Variants in APLF observed in about 807,000 individuals in gnomAD.
APLF encodes the protein aprataxin and PNKP like factor, also known as aprataxin and PNK-like factor.
APLF carries 61 observed loss-of-function variants against 55.6 expected under a neutral mutation model. That is an observed-to-expected ratio of 1.10 (90% CI 0.89 to 1.36). The LOEUF is 1.36. APLF is among the 40% of genes most tolerant of loss of function. The pLI, the probability that APLF is intolerant of heterozygous loss-of-function variation, is 0.00. For synonymous variants in APLF, 207 were observed against 214.8 expected, an observed-to-expected ratio of 0.96 and a Z score of 0.32; for missense variants, 611 against 602.5, an observed-to-expected ratio of 1.01 and a Z score of -0.15.
chr2:68,521,933 T>C (rs1669909492), intron 5 of APLF, among the ~76,000 whole-genome samples: 1 of 151,986 alleles, frequency 6.6e-6, no homozygotes, highest in South Asian at 2.1e-4. Context: ...AAGTGCTAGT[T>C]ATTCTGTTTA....
At chr2:68,572,332 AT>A (rs1487177796) in intron 9 of APLF, among the ~76,000 whole-genome samples, 1 of 152,126 alleles carries the variant, frequency 6.6e-6, no homozygotes, top group East Asian at 1.9e-4. Flanking sequence ...GTTATTAAAA[AT>A]GTTTGTTCTT....
intron 6 of APLF, among the ~76,000 whole-genome samples, chr2:68,530,561 G>C (rs912895291): frequency 7.2e-5 from 11 of 152,284 alleles, no homozygotes; most frequent in African/African-American, 2.4e-4. Flanking sequence ...ATGGATAAAA[G>C]TCAGTTTCTC....
chr2:68,482,546 T>A (rs1675996393), intron 1 of APLF, among the ~76,000 whole-genome samples: 1 of 152,154 alleles, frequency 6.6e-6, no homozygotes, highest in African/African-American at 2.4e-5. Flanking sequence ...AGGCTACTTC[T>A]CAGGCTGAGG....
Position 68,579,494 on chromosome 2 carries a change from T to G in APLF, c.*1472T>G. ...TTCCACATAAAAACTGTACACAATG[T>G]CAATAGAAGCATTATTCTTAACAGC... is the stretch of plus-strand genomic sequence containing the variant. On this transcript the variant is annotated 3_prime_UTR_variant, in exon 10 of 10. Transcript: ENST00000303795. 1.4e-6 allele frequency: 1 copy of G among 738,748 alleles called. No individual in the cohort carries two copies. The highest frequency in any genetic ancestry group is 6.2e-5 in the South Asian group (1 of 16,218). The allele number at this position is 738,748 out of a possible 1,614,324, so 45.8% of individuals were successfully genotyped here. A position where few individuals can be genotyped will look rare whatever the true frequency, so the allele number is the denominator to read the frequency against.
chr2:68,568,669 T>G (rs1262944313), intron 9 of APLF, among the ~76,000 whole-genome samples: 1 of 152,146 alleles, frequency 6.6e-6, no homozygotes, highest in African/African-American at 2.4e-5. Flanking sequence ...TTTATAGAAA[T>G]AGGAAATATT....
At chr2:68,490,319 A>C in intron 2 of APLF, 58 bp downstream of exon 2, 1 of 1,430,942 alleles carries the variant, frequency 7.0e-7, no homozygotes, top group Non-Finnish European at 9.7e-7. Context: ...TCAGTTCCCA[A>C]GCAGAGGTGC....
intron 1 of APLF, among the ~76,000 whole-genome samples, chr2:68,474,579 A>C (rs1573143049): frequency 6.6e-6 from 1 of 152,194 alleles, no homozygotes; most frequent in African/African-American, 2.4e-5. Context: ...CCCATTTACT[A>C]CTTACCATGA....
chr2:68,495,574 T>A (rs978093111), intron 2 of APLF, among the ~76,000 whole-genome samples: 10 of 152,186 alleles, frequency 6.6e-5, no homozygotes, highest in African/African-American at 2.4e-4. Flanking sequence ...TATGTTTGGG[T>A]CTAGAGGATG....
Position 68,537,938 on chromosome 2 carries a change from G to A in APLF, c.871G>A (p.Ala291Thr), listed in dbSNP as rs1172309677. 15 of 1,613,644 alleles carry A rather than the reference G, an allele frequency of 9.3e-6. No homozygotes were observed. The highest frequency in any genetic ancestry group is 1.3e-5 in the Non-Finnish European group (15 of 1,179,812). ...AGAGATGAATAATATTAAGACTAAT[G>A]CACAGAGAAACAAACTTCCAATAGA... is the stretch of plus-strand genomic sequence containing the variant. ...NTEMNNIKTNAQRNKLPIEEL... is the reference protein window; with the variant it reads ...NTEMNNIKTNTQRNKLPIEEL... Residue 291 changes from alanine to threonine, a missense_variant, in exon 7 of 10, where the codon GCA (alanine) becomes ACA (threonine). Coordinates refer to ENST00000303795, the MANE Select transcript of APLF (RefSeq NM_173545.3).
At chr2:68,497,223 T>A (rs945719576) in intron 2 of APLF, among the ~76,000 whole-genome samples, 1 of 152,026 alleles carries the variant, frequency 6.6e-6, no homozygotes, top group East Asian at 1.9e-4. Context: ...AACCAGTACA[T>A]CACATGTTGA....
At chr2:68,544,958 C>T (rs903045489) in intron 7 of APLF, among the ~76,000 whole-genome samples, 5 of 152,132 alleles carry the variant, frequency 3.3e-5, no homozygotes, top group African/African-American at 1.2e-4. Context: ...CATCACATGA[C>T]ACCAGAAATG....
At chr2:68,519,337 C>CA (rs926358885) in intron 5 of APLF, among the ~76,000 whole-genome samples, 3 of 145,004 alleles carry the variant, frequency 2.1e-5, no homozygotes, top group Non-Finnish European at 4.5e-5. Context: ...GTGAAGTGCC[C>CA]AAAAACATGA....
chr2:68,486,221 G>T (rs767192974), intron 1 of APLF, among the ~76,000 whole-genome samples: 3 of 152,036 alleles, frequency 2.0e-5, no homozygotes, highest in Admixed American at 6.6e-5. Flanking sequence ...TTCAGACCTG[G>T]AATGTGACAT....
intron 3 of APLF, among the ~76,000 whole-genome samples, chr2:68,508,554 G>A: frequency 6.6e-6 from 1 of 151,832 alleles, no homozygotes; most frequent in East Asian, 1.9e-4. Flanking sequence ...ATTAGGCAAT[G>A]TTTATAACAC....
At chr2:68,517,972 A>G (rs1370143102) in intron 5 of APLF, among the ~76,000 whole-genome samples, 1 of 138,750 alleles carries the variant, frequency 7.2e-6, no homozygotes, top group African/African-American at 2.8e-5. Context: ...TTAATATATA[A>G]CAGTAATATA....
At chr2:68,491,897 T>C (rs1340797016) in intron 2 of APLF, among the ~76,000 whole-genome samples, 1 of 152,186 alleles carries the variant, frequency 6.6e-6, no homozygotes, top group East Asian at 1.9e-4. Context: ...ATATCAGATT[T>C]TCTCTTTACA....
chr2:68,482,809 A>G (rs1206330722), intron 1 of APLF, among the ~76,000 whole-genome samples: 1 of 152,124 alleles, frequency 6.6e-6, no homozygotes. Context: ...GTTTGGTGGC[A>G]TGCCCACTGG....
intron 5 of APLF, among the ~76,000 whole-genome samples, chr2:68,514,259 A>G (rs1250306421): frequency 6.6e-6 from 1 of 151,804 alleles, no homozygotes; most frequent in Non-Finnish European, 1.5e-5. Context: ...TAAAGTCTGC[A>G]TCTACGTACA....
chr2:68,559,839 G>A (rs189850436), intron 8 of APLF, among the ~76,000 whole-genome samples: 3 of 152,120 alleles, frequency 2.0e-5, no homozygotes, highest in Admixed American at 6.6e-5. Flanking sequence ...AAGATAAGTC[G>A]TTTCATGGTA....
Sources: allele counts gnomAD v4.1 joint callset (sites outside exome capture counted in the v4.1 genomes callset), GRCh38; gene constraint gnomAD v4.1.1; transcripts MANE v1.5; gene names NCBI Gene and HGNC (gene_info 2026-07-23, HGNC 2026-07-21).